Variants in SOAT1 observed in about 807,000 individuals in gnomAD.
SOAT1 encodes the protein acyl-coenzyme A:cholesterol acyltransferase 1.
A neutral mutation model predicts 69.5 loss-of-function variants in SOAT1; 55 were observed. That is an observed-to-expected ratio of 0.79 (90% CI 0.64 to 0.99). The LOEUF (loss-of-function observed/expected upper bound fraction) is 0.99, where lower values mean the gene tolerates loss of function less well. Ranked by LOEUF, SOAT1 falls within the 50% of genes least tolerant of loss-of-function variation. SOAT1 has a pLI of 0.00. For synonymous variants in SOAT1, 231 were observed against 224.7 expected (o/e 1.03, Z -0.25); for missense variants, 580 against 669.3 (o/e 0.87, Z 1.47).
chr1:179,311,237 G>T (rs1218691430), intron 2 of SOAT1, among the ~76,000 whole-genome samples: 1 of 152,074 alleles, frequency 6.6e-6, no homozygotes, highest in African/African-American at 2.4e-5. Context: ...ATGGTAACAT[G>T]TGCCTGTAGC....
chr1:179,337,957 C>T (rs1666215037), intron 5 of SOAT1, 61 bp downstream of exon 5: 5 of 1,223,498 alleles, frequency 4.1e-6, no homozygotes, highest in Non-Finnish European at 5.8e-6. Context: ...CTGATAGAAT[C>T]ATTGCTTAGT....
chr1:179,297,733 CA>C (rs376641077), intron 1 of SOAT1, among the ~76,000 whole-genome samples: 173 of 119,192 alleles, frequency 1.5e-3, no homozygotes, highest in African/African-American at 2.0e-3. Context: ...GACTCCGTCT[CA>C]AAAAAAAAAA....
intron 7 of SOAT1, 100 bp downstream of exon 7, chr1:179,341,410 G>A (rs1166509367): frequency 8.2e-7 from 1 of 1,214,020 alleles, no homozygotes; most frequent in Non-Finnish European, 1.2e-6. Flanking sequence ...GTATTAACTT[G>A]GATAAATTTT....
intron 1 of SOAT1, among the ~76,000 whole-genome samples, chr1:179,294,733 T>C (rs1352398172): frequency 6.6e-6 from 1 of 152,230 alleles, no homozygotes; most frequent in Non-Finnish European, 1.5e-5. Flanking sequence ...GGTTTCACCA[T>C]GTTGGACCAG....
chr1:179,350,793 A>G (rs1284774470), intron 14 of SOAT1, among the ~76,000 whole-genome samples: 1 of 152,258 alleles, frequency 6.6e-6, no homozygotes, highest in Non-Finnish European at 1.5e-5. Flanking sequence ...AAAAGTTGGA[A>G]TATGAATATT....
At position 179,355,537 on chromosome 1, in the gene SOAT1, CTGTT is replaced by C. The variant is rs567738219; in HGVS notation, c.*1914_*1917del. The C allele has an allele frequency of 6.4e-4, 99 of 153,526 alleles. 1 individual carries two copies. Among genetic ancestry groups the C allele is most frequent in the Middle Eastern group, 3.2e-3 (1 of 310 alleles). 9.5% of individuals were successfully genotyped at this position (153,526 alleles called of 1,614,324 possible). A position where few individuals can be genotyped will look rare whatever the true frequency, so the allele number is the denominator to read the frequency against. On this transcript the variant is annotated 3_prime_UTR_variant, in exon 16 of 16. Transcript: ENST00000367619. The stretch of plus-strand genomic sequence containing the variant: ...TATTTTTCAAAAAGCTCTCTGCTTC[CTGTT>C]TGTTTGTTTGTTTGTTTTTGAGACA...
chr1:179,346,080 T>G (rs1558057896), intron 11 of SOAT1, among the ~76,000 whole-genome samples: 1 of 152,196 alleles, frequency 6.6e-6, no homozygotes, highest in Non-Finnish European at 1.5e-5. Flanking sequence ...GGTAATGTTT[T>G]CTGTCATCAC....
chr1:179,293,813 C>A lies in SOAT1; in HGVS notation c.-132C>A, dbSNP rs1457976914. ...CTGTCCGGCGCTTTAGCTTAGCAGGCGACGTTGCGGGCCCTGGGCGCCAGG... is the reference window on the plus strand; with the variant it reads ...CTGTCCGGCGCTTTAGCTTAGCAGGAGACGTTGCGGGCCCTGGGCGCCAGG... On this transcript the variant is annotated 5_prime_UTR_variant, in exon 1 of 16. Transcript: ENST00000367619. The A allele has an allele frequency of 6.6e-6, 1 of 152,418 alleles. No homozygotes were observed. The highest frequency in any genetic ancestry group is 2.4e-5 in the African/African-American group (1 of 41,462). 9.4% of individuals were successfully genotyped at this position (152,418 alleles called of 1,614,324 possible). A position where few individuals can be genotyped will look rare whatever the true frequency, so the allele number is the denominator to read the frequency against.
rs866133512 is a variant in SOAT1 at position 179,335,034 on chromosome 1, A to G, written c.178-472A>G. ...CCATCTCAAAAAAAAAAAAAAAAAA[A>G]AAAGAAAGAAAAAAGAGAACTTAGA... On this transcript the variant is annotated intron_variant, in intron 3 of 15. Coordinates refer to ENST00000367619, the MANE Select transcript of SOAT1 (RefSeq NM_003101.6). 8.0e-3 allele frequency among the ~76,000 whole-genome samples: 1,200 copies of G among 150,766 alleles called. 7 individuals are homozygous for G. The highest frequency in any genetic ancestry group is 0.013 in the Non-Finnish European group (875 of 67,600).
In SOAT1 at chr1:179,341,325, G is replaced by A; in HGVS notation, c.780+15G>A. ...TATTCGAGCAGGTAAGGTTTTAAGT[G>A]TTACCCAAGGCGATGCTGTCCTCGG... On this transcript the variant is annotated intron_variant, in intron 7 of 15. Coordinates refer to ENST00000367619, the MANE Select transcript of SOAT1 (RefSeq NM_003101.6). The A allele has an allele frequency of 1.2e-6, 2 of 1,611,040 alleles. No individual in the cohort carries two copies. The highest frequency in any genetic ancestry group is 2.2e-5 in the South Asian group (2 of 90,906).
intron 2 of SOAT1, among the ~76,000 whole-genome samples, chr1:179,310,402 T>C (rs1467332506): frequency 6.6e-6 from 1 of 152,202 alleles, no homozygotes; most frequent in Non-Finnish European, 1.5e-5. Flanking sequence ...GTTTCAACAT[T>C]ATCTATTAAG....
intron 3 of SOAT1, among the ~76,000 whole-genome samples, chr1:179,328,520 A>C (rs1304546732): frequency 6.6e-6 from 1 of 152,194 alleles, no homozygotes; most frequent in Non-Finnish European, 1.5e-5. Flanking sequence ...TTTGGCCGGA[A>C]GGACAAGGTC....
At chr1:179,310,972 G>T (rs1336019782) in intron 2 of SOAT1, among the ~76,000 whole-genome samples, 1 of 152,048 alleles carries the variant, frequency 6.6e-6, no homozygotes, top group Non-Finnish European at 1.5e-5. Context: ...GCATGACTAG[G>T]GGTCAGGAGA....
chr1:179,293,966 G>T (rs1664540270), intron 1 of SOAT1, 30 bp downstream of exon 1: 1 of 152,364 alleles, frequency 6.6e-6, no homozygotes, highest in African/African-American at 2.4e-5. Context: ...GCCTCTCCTC[G>T]CTTCCCGCTT....
At chr1:179,348,803 TGTGTGTGTGTG>T in intron 12 of SOAT1, 30 bp from the exon 13 acceptor site, 2 of 773,370 alleles carry the variant, frequency 2.6e-6, no homozygotes, top group Non-Finnish European at 4.5e-6. Flanking sequence ...TGTGTGTGTG[TGTGTGTGTGTG>T]TAGTTTTATA....
At position 179,307,482 on chromosome 1, in the gene SOAT1, A is replaced by G. The variant is rs548873720; in HGVS notation, c.118+4680A>G. On this transcript the variant is annotated intron_variant, in intron 2 of 15. Transcript: ENST00000367619. ...CAACATCTTCTATGTGGTGGCTTGCATCTATAGTCTGAGCTGCTTGGGAGG... is the reference window on the plus strand; with the variant it reads ...CAACATCTTCTATGTGGTGGCTTGCGTCTATAGTCTGAGCTGCTTGGGAGG... Among the ~76,000 whole-genome samples the G allele has an allele frequency of 4.6e-5, 7 of 152,230 alleles. No individual in the cohort carries two copies. In the East Asian group the frequency reaches 1.2e-3, roughly 25 times the overall value.
At chr1:179,304,646 T>C (rs1193834076) in intron 2 of SOAT1, among the ~76,000 whole-genome samples, 1 of 151,944 alleles carries the variant, frequency 6.6e-6, no homozygotes, top group African/African-American at 2.4e-5. Flanking sequence ...CCCCTTCTCT[T>C]CCTTTTTCCT....
chr1:179,348,419 A>G (rs1424499036), intron 12 of SOAT1, among the ~76,000 whole-genome samples: 1 of 152,134 alleles, frequency 6.6e-6, no homozygotes, highest in African/African-American at 2.4e-5. Context: ...TAATTTTGCC[A>G]TTTATGGTAA....
chr1:179,357,601 A>T lies in SOAT1; in HGVS notation c.*3960A>T, dbSNP rs553054563. 6.6e-6 allele frequency: 1 copy of T among 152,348 alleles called. No homozygotes were observed. Among genetic ancestry groups the T allele is most frequent in the African/African-American group, 2.4e-5 (1 of 41,586 alleles). 9.4% of individuals were successfully genotyped at this position (152,348 alleles called of 1,614,324 possible). On this transcript the variant is annotated 3_prime_UTR_variant, in exon 16 of 16. Transcript: ENST00000367619. ...AGTGTTGGCCCTCTGTTGAAATAAAATGTTACATATCGCTGGGTGTAGTGG... is the reference window on the plus strand; with the variant it reads ...AGTGTTGGCCCTCTGTTGAAATAAATTGTTACATATCGCTGGGTGTAGTGG...
Sources: gnomAD v4.1 joint callset for allele counts (sites outside exome capture counted in the v4.1 genomes callset) on GRCh38, gnomAD v4.1.1 for gene constraint, MANE v1.5 for transcripts, NCBI Gene and HGNC (gene_info 2026-07-23, HGNC 2026-07-21) for gene names.